Variants in KY observed in about 807,000 individuals in gnomAD.
KY encodes kyphoscoliosis peptidase.
A neutral mutation model predicts 76.1 loss-of-function variants in KY; 43 were observed. The observed-to-expected ratio is 0.57, with a 90% CI of 0.44 to 0.73. The LOEUF (loss-of-function observed/expected upper bound fraction) is 0.73, where lower values mean the gene tolerates loss of function less well. KY is among the 30% of genes least tolerant of loss of function. The pLI is 0.00. For missense variants in KY, 722 were observed against 828.9 expected, an observed-to-expected ratio of 0.87 and a Z score of 1.58; for synonymous variants, 277 against 326.2, an observed-to-expected ratio of 0.85 and a Z score of 1.63.
At chr3:134,605,739 C>T (rs978426884) in intron 10 of KY, among the ~76,000 whole-genome samples, 4 of 152,052 alleles carry the variant, frequency 2.6e-5, no homozygotes, top group African/African-American at 7.2e-5. Context: ...TCTGCCCCCA[C>T]CCTCCAGTGA....
At chr3:134,637,910 T>C (rs1194962969) in intron 3 of KY, among the ~76,000 whole-genome samples, 1 of 152,254 alleles carries the variant, frequency 6.6e-6, no homozygotes, top group Non-Finnish European at 1.5e-5. Flanking sequence ...AGCACGGCCC[T>C]GGCCCAGATG....
At chr3:134,639,322 A>G (rs556138268) in intron 3 of KY, among the ~76,000 whole-genome samples, 65 of 152,120 alleles carry the variant, frequency 4.3e-4, no homozygotes, top group Non-Finnish European at 8.2e-4. Flanking sequence ...ACTGCCAAAC[A>G]CAGCATGAAA....
intron 4 of KY, 108 bp downstream of exon 4, chr3:134,629,513 T>C: frequency 2.5e-6 from 2 of 801,624 alleles, no homozygotes; most frequent in African/African-American, 1.7e-5. Context: ...CAGGCCCATG[T>C]CACTCTTCTC....
At chr3:134,649,765 G>C (rs1229741970) in intron 1 of KY, among the ~76,000 whole-genome samples, 1 of 152,220 alleles carries the variant, frequency 6.6e-6, no homozygotes, top group African/African-American at 2.4e-5. Flanking sequence ...GCTGGTAGTG[G>C]CAAGGCCATC....
At chr3:134,609,238 T>C (rs1429762698) in intron 9 of KY, among the ~76,000 whole-genome samples, 1 of 152,196 alleles carries the variant, frequency 6.6e-6, no homozygotes, top group Admixed American at 6.5e-5. Flanking sequence ...CCTGTTTCTG[T>C]GCTGTGCAGC....
At chr3:134,619,014 G>A (rs1962097509) in intron 8 of KY, 134 bp downstream of exon 8, 1 of 691,976 alleles carries the variant, frequency 1.4e-6, no homozygotes, top group East Asian at 2.6e-5. Flanking sequence ...ACCTTTTCAG[G>A]ACTCACTTGG....
chr3:134,631,445 A>G (rs1429175881), intron 3 of KY, among the ~76,000 whole-genome samples: 1 of 152,188 alleles, frequency 6.6e-6, no homozygotes, highest in Non-Finnish European at 1.5e-5. Context: ...AGAGGGAGAG[A>G]AATGGTAAAT....
At chr3:134,639,302 C>T (rs983582655) in intron 3 of KY, among the ~76,000 whole-genome samples, 23 of 152,066 alleles carry the variant, frequency 1.5e-4, no homozygotes, top group Admixed American at 5.2e-4. Context: ...GAACACCACC[C>T]TTAGGGGGTA....
intron 6 of KY, among the ~76,000 whole-genome samples, chr3:134,622,759 GA>G (rs1427804027): frequency 6.6e-6 from 1 of 152,190 alleles, no homozygotes; most frequent in African/African-American, 2.4e-5. Context: ...GAGGTTGCTG[GA>G]AAGATGGCTC....
intron 3 of KY, among the ~76,000 whole-genome samples, chr3:134,635,843 C>T (rs1414031292): frequency 2.6e-5 from 4 of 152,128 alleles, no homozygotes; most frequent in Admixed American, 1.3e-4. Flanking sequence ...GAAAGTGAAA[C>T]TCCTTTAAGA....
chr3:134,611,681 C>G (rs1960486559), intron 8 of KY, among the ~76,000 whole-genome samples: 1 of 152,228 alleles, frequency 6.6e-6, no homozygotes, highest in Non-Finnish European at 1.5e-5. Flanking sequence ...AGTGGTGACC[C>G]TGTGCTGTAC....
rs368287520 is a variant in KY, at chr3:134,619,260, C to T, written c.598G>A (p.Asp200Asn). ...WIWICHHIEY[D>N]IAAAQEKDRQ... ...TCCTTCTCCTGAGCAGCTGCAATGT[C>T]ATACTCTATAGGGCAGGTGAGGGGA... Residue 200 changes from aspartate (D) to asparagine (N), a missense_variant, in exon 8 of 11, where the codon GAC becomes AAC. By Grantham distance (23) the Asp-to-Asn change is conservative (BLOSUM62 1). This residue lies in a region of KY where 552 missense variants were observed against 680.9 expected (regional missense o/e 0.81). Transcript: ENST00000423778. The T allele has an allele frequency of 1.6e-5, 26 of 1,612,916 alleles. No homozygotes were observed. The Middle Eastern group carries it at 8.2e-4, about 51-fold the overall frequency.
chr3:134,607,008 T>C, intron 10 of KY: 1 of 984,890 alleles, frequency 1.0e-6, no homozygotes, highest in Non-Finnish European at 1.2e-6. Flanking sequence ...GTATCAGATA[T>C]ATGGAATCAT....
At chr3:134,641,834 A>G (rs2107996830) in intron 3 of KY, among the ~76,000 whole-genome samples, 2 of 152,262 alleles carry the variant, frequency 1.3e-5, no homozygotes, top group South Asian at 4.1e-4. Flanking sequence ...TCTCCTCACT[A>G]GGATGTCAGC....
At chr3:134,611,835 G>A (rs1010290350) in intron 8 of KY, among the ~76,000 whole-genome samples, 2 of 152,242 alleles carry the variant, frequency 1.3e-5, no homozygotes, top group African/African-American at 4.8e-5. Flanking sequence ...CAGGGGAATG[G>A]GGTGAAATGG....
In KY at chr3:134,625,372, C is replaced by T. The variant is rs551817051; in HGVS notation, c.401-237G>A. On this transcript the variant is annotated intron_variant, in intron 5 of 10. Transcript: ENST00000423778. ...CTCTTAGAGGCCTACAGGGAACATA[C>T]GCCTATTGTAGACTCTGAGAAGTCA... Among the ~76,000 whole-genome samples the T allele has an allele frequency of 5.3e-5, 8 of 152,360 alleles. No individual in the cohort carries two copies. In the East Asian group the frequency reaches 5.8e-4, roughly 11 times the overall value.
intron 9 of KY, 75 bp downstream of exon 9, chr3:134,610,120 T>A: frequency 1.3e-6 from 2 of 1,492,122 alleles, no homozygotes; most frequent in Non-Finnish European, 1.8e-6. Context: ...CTTCTCCACC[T>A]GCTGCTTCAT....
intron 3 of KY, 68 bp downstream of exon 3, chr3:134,643,248 G>C: frequency 6.7e-7 from 1 of 1,486,892 alleles, no homozygotes; most frequent in Non-Finnish European, 9.3e-7. Flanking sequence ...CTGGGCTGTC[G>C]CTGGCCAGAG....
At chr3:134,638,491 T>C (rs1021220516) in intron 3 of KY, among the ~76,000 whole-genome samples, 33 of 152,288 alleles carry the variant, frequency 2.2e-4, no homozygotes, top group Non-Finnish European at 3.7e-4. Context: ...GCCTCTCTCA[T>C]GCATCCCTCC....
Sources: gnomAD v4.1 joint callset for allele counts (sites outside exome capture counted in the v4.1 genomes callset) on GRCh38, gnomAD v4.1.1 for gene constraint, gnomAD v4.1.1 regional missense constraint, MANE v1.5 for transcripts, NCBI Gene and HGNC (gene_info 2026-07-23, HGNC 2026-07-21) for gene names.